The following TTC29 variants were observed in gnomAD, a reference collection of about 807,000 sequenced individuals.
TTC29 encodes tetratricopeptide repeat domain 29.
Under a neutral mutation model 58.1 loss-of-function variants are expected in TTC29, and 49 were observed. The ratio of observed to expected loss-of-function variants is 0.84; its 90% CI spans 0.67 to 1.07. The LOEUF is 1.07. Among genes scored for constraint, TTC29 ranks in the 50% least tolerant of loss-of-function variants. The pLI is 0.00. For synonymous variants in TTC29, 209 were observed against 196.8 expected, an observed-to-expected ratio of 1.06 and a Z score of -0.52; for missense variants, 582 against 555.6, an observed-to-expected ratio of 1.05 and a Z score of -0.48.
chr4:146,843,091 A>G (rs967603490), intron 8 of TTC29, among the ~76,000 whole-genome samples: 8 of 152,198 alleles, frequency 5.3e-5, no homozygotes, highest in African/African-American at 1.9e-4. Context: ...GCTGAGGACC[A>G]GACTGGGCAG....
At chr4:146,806,713 T>C (rs1750647103) in intron 10 of TTC29, among the ~76,000 whole-genome samples, 1 of 151,644 alleles carries the variant, frequency 6.6e-6, no homozygotes, top group Non-Finnish European at 1.5e-5. Context: ...ATGCACCCCA[T>C]ACAGGAGCAC....
chr4:146,913,058 C>T (rs148859524), intron 4 of TTC29, among the ~76,000 whole-genome samples: 54 of 152,100 alleles, frequency 3.6e-4, no homozygotes, highest in East Asian at 1.6e-3. Context: ...CCTGAGGGGA[C>T]CTCCACGTGT....
At chr4:146,866,366 G>A (rs1730564775) in intron 8 of TTC29, among the ~76,000 whole-genome samples, 1 of 152,104 alleles carries the variant, frequency 6.6e-6, no homozygotes, top group Non-Finnish European at 1.5e-5. Context: ...TATATTTGCT[G>A]TTCTATCATT....
intron 6 of TTC29, among the ~76,000 whole-genome samples, chr4:146,879,967 A>G (rs1189528740): frequency 6.6e-6 from 1 of 152,152 alleles, no homozygotes; most frequent in Non-Finnish European, 1.5e-5. Flanking sequence ...GTGAGTAACC[A>G]GATCACAGTG....
intron 2 of TTC29, among the ~76,000 whole-genome samples, chr4:146,940,409 A>G (rs73855094): frequency 0.075 from 11,398 of 152,282 alleles, 1,455 homozygotes; most frequent in African/African-American, 0.26. Context: ...GGAGACAGCT[A>G]CCCTGAGAAA....
chr4:146,859,646 T>A lies in TTC29; in HGVS notation c.885+7852A>T, dbSNP rs557540738. Among the ~76,000 whole-genome samples, 25 of 152,056 alleles carry A rather than the reference T, an allele frequency of 1.6e-4. No homozygotes were observed. The South Asian group carries it at 5.0e-3, about 30-fold the overall frequency. On this transcript the variant is annotated intron_variant, in intron 8 of 12. Transcript: ENST00000325106. ...GATAAGACTGCTGAAAGAGTCAAGA[T>A]TTATTGACCTGAAAGAGAAAAGAAG...
intron 11 of TTC29, among the ~76,000 whole-genome samples, chr4:146,733,655 C>A (rs1031729741): frequency 3.9e-5 from 6 of 152,062 alleles, no homozygotes; most frequent in Non-Finnish European, 7.4e-5. Flanking sequence ...TTAAGGATGA[C>A]AAATGCCTAC....
intron 4 of TTC29, among the ~76,000 whole-genome samples, chr4:146,923,222 A>G (rs1396799450): frequency 1.3e-5 from 2 of 151,882 alleles, no homozygotes; most frequent in East Asian, 1.9e-4. Context: ...TTTTAATTGA[A>G]TAAGATAAAA....
At chr4:146,809,660 A>G (rs2150126718) in intron 10 of TTC29, among the ~76,000 whole-genome samples, 1 of 150,296 alleles carries the variant, frequency 6.7e-6, no homozygotes, top group African/African-American at 2.4e-5. Context: ...ACATATGAAA[A>G]AAAAGCTCAT....
chr4:146,868,978 T>C (rs1448187022), intron 7 of TTC29, among the ~76,000 whole-genome samples: 3 of 151,844 alleles, frequency 2.0e-5, no homozygotes, highest in Non-Finnish European at 4.4e-5. Context: ...TTACTCCTTC[T>C]CTCGCCATAT....
At chr4:146,764,876 A>T (rs1352732390) in intron 11 of TTC29, among the ~76,000 whole-genome samples, 9 of 151,830 alleles carry the variant, frequency 5.9e-5, no homozygotes, top group African/African-American at 2.2e-4. Flanking sequence ...TTGCCTACTG[A>T]TAGTGACAGC....
intron 11 of TTC29, among the ~76,000 whole-genome samples, chr4:146,757,770 G>A (rs377158875): frequency 6.6e-6 from 1 of 152,160 alleles, no homozygotes; most frequent in Non-Finnish European, 1.5e-5. Flanking sequence ...CAAATGCTGA[G>A]AGAATTCATC....
chr4:146,916,356 A>C (rs1397733462), intron 4 of TTC29, among the ~76,000 whole-genome samples: 2 of 151,828 alleles, frequency 1.3e-5, no homozygotes, highest in Non-Finnish European at 1.5e-5. Flanking sequence ...GAAGTTAAAA[A>C]GACAAAAAAT....
At chr4:146,810,588 C>CTTTTTTTTTTT (rs398051307) in intron 10 of TTC29, among the ~76,000 whole-genome samples, 11 of 96,318 alleles carry the variant, frequency 1.1e-4, no homozygotes, top group African/African-American at 4.0e-4. Context: ...TACATACCTT[C>CTTTTTTTTTTT]TTTTTTTTTT....
chr4:146,783,502 T>C (rs888064711), intron 11 of TTC29, among the ~76,000 whole-genome samples: 1 of 152,210 alleles, frequency 6.6e-6, no homozygotes, highest in Non-Finnish European at 1.5e-5. Context: ...CACATTTTGA[T>C]TCATCATAGG....
chr4:146,844,681 C>T (rs1407357538), intron 8 of TTC29, among the ~76,000 whole-genome samples: 1 of 152,090 alleles, frequency 6.6e-6, no homozygotes, highest in African/African-American at 2.4e-5. Context: ...GTGCCCAGCC[C>T]CCAGCCCTTA....
At chr4:146,881,666 A>G (rs1731634051) in intron 6 of TTC29, among the ~76,000 whole-genome samples, 1 of 152,122 alleles carries the variant, frequency 6.6e-6, no homozygotes, top group South Asian at 2.1e-4. Context: ...TTTACATTTA[A>G]TTATGATAAT....
chr4:146,916,158 G>A (rs956598877), intron 4 of TTC29, among the ~76,000 whole-genome samples: 13 of 151,358 alleles, frequency 8.6e-5, no homozygotes, highest in South Asian at 4.2e-4. Context: ...TATCTTTTTC[G>A]GTGTAGATAG....
chr4:146,917,635 AATTATAT>A lies in TTC29; in HGVS notation c.177-8393_177-8387del, dbSNP rs1283775196. ...ATAATATATAATTAGATATTATATA[AATTATAT>A]ATTATATATTTATATAAAATTATGC... On this transcript the variant is annotated intron_variant, in intron 4 of 12. Transcript: ENST00000325106. Among the ~76,000 whole-genome samples, 7 of 89,974 alleles carry A rather than the reference AATTATAT, an allele frequency of 7.8e-5. No individual in the cohort carries two copies. The East Asian group carries it at 1.3e-3, about 17-fold the overall frequency. The allele number at this position is 89,974 out of a possible 152,430, so 59.0% of individuals were successfully genotyped here. A position where few individuals can be genotyped will look rare whatever the true frequency, so the allele number is the denominator to read the frequency against.
Sources: gnomAD v4.1 joint callset for allele counts (sites outside exome capture counted in the v4.1 genomes callset) on GRCh38, gnomAD v4.1.1 for gene constraint, MANE v1.5 for transcripts, NCBI Gene and HGNC (gene_info 2026-07-23, HGNC 2026-07-21) for gene names.